The following ACTN4 variants were observed in gnomAD, a reference collection of about 807,000 sequenced individuals.
ACTN4 encodes actinin alpha 4.
A neutral mutation model predicts 114.2 loss-of-function variants in ACTN4; 18 were observed. The observed-to-expected ratio is 0.16, with a 90% confidence interval of 0.11 to 0.23. The LOEUF (loss-of-function observed/expected upper bound fraction) is 0.23, where lower values mean the gene tolerates loss of function less well. Among genes scored for constraint, ACTN4 ranks in the 10% least tolerant of loss-of-function variants. ACTN4 has a pLI of 1.00. For missense variants in ACTN4, 722 were observed against 1,262.9 expected (o/e 0.57, Z 6.49); for synonymous variants, 515 against 506.3 (o/e 1.02, Z -0.23).
At position 38,647,780 on chromosome 19, in the gene ACTN4, A is replaced by T. The variant is rs1424679106; in HGVS notation, c.35A>T (p.Gln12Leu). Residue 12 changes from glutamine (Q) to leucine (L), a missense_variant, in exon 1 of 21, where the codon CAG (glutamine) becomes CTG (leucine). This residue lies in a region of ACTN4 where 72 missense variants were observed against 75.6 expected (regional missense o/e 0.95). Coordinates refer to ENST00000252699, the MANE Select transcript of ACTN4 (RefSeq NM_004924.6). The part of the protein sequence containing the change: ...VDYHAANQSY[Q>L]YGPSSAGNGA... ...TACCACGCGGCGAACCAGTCGTACC[A>T]GTACGGCCCCAGCAGCGCGGGCAAT... 6.4e-7 allele frequency: 1 copy of T among 1,555,884 alleles called. No individual in the cohort carries two copies. The highest frequency in any genetic ancestry group is 8.7e-7 in the Non-Finnish European group (1 of 1,152,756).
intron 3 of ACTN4, among the ~76,000 whole-genome samples, 166 bp downstream of exon 3, chr19:38,701,287 G>C (rs1424810352): frequency 6.6e-6 from 1 of 152,188 alleles, no homozygotes; most frequent in Non-Finnish European, 1.5e-5. Flanking sequence ...CTCTTGATAT[G>C]ATGCTGGGCC....
At chr19:38,677,145 A>G (rs1390565537) in intron 1 of ACTN4, among the ~76,000 whole-genome samples, 1 of 151,758 alleles carries the variant, frequency 6.6e-6, no homozygotes, top group Non-Finnish European at 1.5e-5. Flanking sequence ...ATGCTTCACT[A>G]TTTGTAGGGC....
intron 1 of ACTN4, among the ~76,000 whole-genome samples, chr19:38,697,215 C>T (rs1311909554): frequency 3.3e-5 from 5 of 152,186 alleles, no homozygotes; most frequent in Non-Finnish European, 5.9e-5. Flanking sequence ...AGAACCCAAG[C>T]GGCGAGGTTT....
At chr19:38,682,882 C>A (rs1329540720) in intron 1 of ACTN4, among the ~76,000 whole-genome samples, 1 of 152,168 alleles carries the variant, frequency 6.6e-6, no homozygotes, top group Non-Finnish European at 1.5e-5. Context: ...CACTGAGAGG[C>A]CTTTCCTGAC....
chr19:38,711,370 G>A (rs756477745), intron 8 of ACTN4: 413 of 1,026,474 alleles, frequency 4.0e-4, no homozygotes, highest in Non-Finnish European at 4.6e-4. Context: ...AGGTGAGCTG[G>A]GCCAGGCACA....
At chr19:38,648,499 C>G (rs1349992974) in intron 1 of ACTN4, among the ~76,000 whole-genome samples, 1 of 151,364 alleles carries the variant, frequency 6.6e-6, no homozygotes, top group Non-Finnish European at 1.5e-5. Flanking sequence ...GGTGGGAAGA[C>G]TAGGGAGGCT....
chr19:38,729,962 C>T lies in ACTN4; in HGVS notation c.*530C>T, dbSNP rs866237477. 1.5e-5 allele frequency: 5 copies of T among 325,064 alleles called. No homozygotes were observed. Among genetic ancestry groups the T allele is most frequent in the Middle Eastern group, 1.2e-3 (1 of 862 alleles). The allele number at this position is 325,064 out of a possible 1,614,324, so 20.1% of individuals were successfully genotyped here. On this transcript the variant is annotated 3_prime_UTR_variant, in exon 21 of 21. Transcript: ENST00000252699. ...CACTTGCCATTGCCAGGAGATGGCC[C>T]CAACAAGCACCCCGCTTTTGCAGCA... is the stretch of plus-strand genomic sequence containing the variant.
intron 1 of ACTN4, among the ~76,000 whole-genome samples, chr19:38,654,279 TCGC>T (rs980618105): frequency 5.3e-5 from 8 of 152,068 alleles, no homozygotes; most frequent in South Asian, 2.1e-4. Flanking sequence ...GAAAGTGAAA[TCGC>T]CGGGTGTGGT....
At chr19:38,675,406 G>T (rs934325550) in intron 1 of ACTN4, among the ~76,000 whole-genome samples, 3 of 151,940 alleles carry the variant, frequency 2.0e-5, no homozygotes, top group Admixed American at 6.6e-5. Context: ...CTTATTTTTT[G>T]ATTTTTTTTG....
intron 8 of ACTN4, chr19:38,711,297 C>A: frequency 9.6e-7 from 1 of 1,037,274 alleles, no homozygotes; most frequent in East Asian, 8.1e-5. Context: ...ACTCTGAGGC[C>A]AGATGAGAAG....
At position 38,717,276 on chromosome 19, in the gene ACTN4, A is replaced by G; in HGVS notation, c.1103A>G (p.Asn368Ser). ...NTLQTKLRLSNRPAFMPSEGK... is the reference protein window; with the variant it reads ...NTLQTKLRLSSRPAFMPSEGK... ...CTGCAGACCAAGCTGCGCCTCAGCAACCGGCCCGCCTTCATGCCCTCCGAG... is the reference window on the plus strand; with the variant it reads ...CTGCAGACCAAGCTGCGCCTCAGCAGCCGGCCCGCCTTCATGCCCTCCGAG... Residue 368 changes from asparagine to serine, a missense_variant, in exon 10 of 21, where the codon AAC (asparagine) becomes AGC (serine). By Grantham distance (46) the Asn-to-Ser change is conservative (BLOSUM62 1). Around this residue, in one of 3 missense-constraint regions of ACTN4, gnomAD observed 523 missense variants for 875.9 expected, o/e 0.60. Coordinates refer to ENST00000252699, the MANE Select transcript of ACTN4 (RefSeq NM_004924.6). This position sits in a 1 kb window ranked among gnomAD's most constrained non-coding sequence, Gnocchi z 4.0. The G allele has an allele frequency of 6.2e-7, 1 of 1,613,836 alleles. No individual in the cohort carries two copies. Among genetic ancestry groups the G allele is most frequent in the Non-Finnish European group, 8.5e-7 (1 of 1,180,004 alleles).
chr19:38,703,044 A>T (rs1341601552), intron 3 of ACTN4, among the ~76,000 whole-genome samples: 2 of 151,994 alleles, frequency 1.3e-5, no homozygotes, highest in Admixed American at 1.3e-4. Flanking sequence ...TGCCCCTTGC[A>T]TATGGCGTGT....
In ACTN4 at chr19:38,708,242, T is replaced by C. The variant is rs763667825; in HGVS notation, c.651+47T>C. The C allele has an allele frequency of 1.9e-6, 3 of 1,599,524 alleles. No homozygotes were observed. The South Asian group carries it at 3.3e-5, about 18-fold the overall frequency. ...TGATGGCCCACAGACGTGCCCTGTC[T>C]GACCCCCTAACTCCGGGTCACCATC... On this transcript the variant is annotated intron_variant, in intron 6 of 20. Transcript: ENST00000252699.
rs1351273068 is a variant in ACTN4, at chr19:38,730,859, A to G, written c.*1427A>G. 3 of 1,551,346 alleles carry G rather than the reference A, an allele frequency of 1.9e-6. No homozygotes were observed. The highest frequency in any genetic ancestry group is 2.4e-5 in the South Asian group (2 of 84,108). On this transcript the variant is annotated 3_prime_UTR_variant, in exon 21 of 21. Transcript: ENST00000252699. Reference sequence around the variant, plus strand: ...TGCGCCCATCCGGAGATCCTAGGAGAAGGTGGCCACCTCCATCCACTAAGG... The same window carrying G: ...TGCGCCCATCCGGAGATCCTAGGAGGAGGTGGCCACCTCCATCCACTAAGG...
chr19:38,674,109 G>A (rs116477071), intron 1 of ACTN4, among the ~76,000 whole-genome samples: 1,709 of 152,146 alleles, frequency 0.011, 40 homozygotes, highest in African/African-American at 0.037. Context: ...AAAGACCAGA[G>A]TCCTTTAAGA....
chr19:38,697,493 C>T (rs1216911522), intron 1 of ACTN4, among the ~76,000 whole-genome samples: 1 of 152,230 alleles, frequency 6.6e-6, no homozygotes, highest in African/African-American at 2.4e-5. Flanking sequence ...CTGATAAATC[C>T]ATCTTACAGG....
chr19:38,698,272 T>C (rs1465894218), intron 1 of ACTN4, among the ~76,000 whole-genome samples: 2 of 152,186 alleles, frequency 1.3e-5, no homozygotes, highest in Non-Finnish European at 2.9e-5. Context: ...AGGTGGGGTC[T>C]TCATCCCCAC....
intron 1 of ACTN4, among the ~76,000 whole-genome samples, chr19:38,676,036 AAT>A (rs1430934781): frequency 7.2e-5 from 11 of 152,156 alleles, no homozygotes; most frequent in African/African-American, 2.7e-4. Flanking sequence ...TGGGGCCAAT[AAT>A]CTGACTACCA....
At chr19:38,726,849 A>C in intron 17 of ACTN4, 108 bp from the exon 18 acceptor site, 3 of 1,513,910 alleles carry the variant, frequency 2.0e-6, no homozygotes, top group Non-Finnish European at 2.7e-6. Context: ...ACAGGAGAGC[A>C]GGGGCTTTCC....
Sources: allele counts gnomAD v4.1 joint callset (sites outside exome capture counted in the v4.1 genomes callset), GRCh38; gene constraint gnomAD v4.1.1; regional missense constraint gnomAD v4.1.1; non-coding constraint Gnocchi (gnomAD v3.1); transcripts MANE v1.5; gene names NCBI Gene and HGNC (gene_info 2026-07-23, HGNC 2026-07-21).